Variants in RNF144A observed in about 807,000 individuals in gnomAD.
RNF144A encodes E3 ubiquitin-protein ligase RNF144A.
In RNF144A, 11 loss-of-function variants were observed where a neutral mutation model predicts 38.7. The ratio of observed to expected loss-of-function variants is 0.28; its 90% CI spans 0.18 to 0.47. The LOEUF (loss-of-function observed/expected upper bound fraction) is 0.47, where lower values mean the gene tolerates loss of function less well. RNF144A is among the 20% of genes least tolerant of loss of function. The pLI, the probability that RNF144A is intolerant of heterozygous loss-of-function variation, is 0.99. For missense variants in RNF144A, 316 were observed against 377.2 expected (o/e 0.84, Z 1.34); for synonymous variants, 149 against 143.9 (o/e 1.04, Z -0.25).
Position 6,956,012 on chromosome 2 carries a change from C to T in RNF144A, c.-12+14865C>T, listed in dbSNP as rs74533263. On this transcript the variant is annotated intron_variant, in intron 2 of 8. Transcript: ENST00000320892. ...TTAAATTCAGAGTGAGTACAAAATC[C>T]GTACAGCTCCTGACTCTGAAAGAGG... Among the ~76,000 whole-genome samples, 58 of 152,232 alleles carry T rather than the reference C, an allele frequency of 3.8e-4. No homozygotes were observed. The East Asian group carries it at 0.011, about 28-fold the overall frequency.
At chr2:6,974,524 A>G (rs1266490821) in intron 2 of RNF144A, among the ~76,000 whole-genome samples, 2 of 152,112 alleles carry the variant, frequency 1.3e-5, no homozygotes. Context: ...GTTAGCTATT[A>G]TTAGTGCATA....
At chr2:6,959,993 T>C (rs969022846) in intron 2 of RNF144A, among the ~76,000 whole-genome samples, 1 of 152,202 alleles carries the variant, frequency 6.6e-6, no homozygotes, top group Non-Finnish European at 1.5e-5. Flanking sequence ...ACAGTGCTGC[T>C]CCATGTTACT....
At chr2:6,987,514 A>G (rs1349643305) in intron 2 of RNF144A, among the ~76,000 whole-genome samples, 1 of 152,226 alleles carries the variant, frequency 6.6e-6, no homozygotes, top group Admixed American at 6.5e-5. Flanking sequence ...AAAAGAAAAC[A>G]GTTCCATGTA....
chr2:7,034,882 G>T (rs2103453974), intron 8 of RNF144A, among the ~76,000 whole-genome samples: 1 of 152,310 alleles, frequency 6.6e-6, no homozygotes, highest in East Asian at 1.9e-4. Context: ...CTGATGGGAA[G>T]TTAGGGGCAG....
intron 6 of RNF144A, among the ~76,000 whole-genome samples, chr2:7,023,439 C>T (rs959717621): frequency 1.3e-5 from 2 of 152,142 alleles, no homozygotes; most frequent in East Asian, 1.9e-4. Context: ...AAAGCTGCCC[C>T]GAGAAGGAGG....
intron 6 of RNF144A, among the ~76,000 whole-genome samples, chr2:7,054,638 A>C (rs776686663): frequency 7.2e-5 from 11 of 152,160 alleles, no homozygotes; most frequent in Non-Finnish European, 1.5e-4. Flanking sequence ...GATAGTATGA[A>C]GGGCTCAAGG....
intron 3 of RNF144A, among the ~76,000 whole-genome samples, chr2:7,012,575 T>C (rs1670885862): frequency 2.6e-5 from 4 of 152,186 alleles, no homozygotes; most frequent in Admixed American, 2.6e-4. Context: ...TGCCAACTGT[T>C]CTGCTCATTG....
rs1054805037 is a variant in RNF144A, at chr2:6,958,682, G to T, written c.-12+17535G>T. On this transcript the variant is annotated intron_variant, in intron 2 of 8. Coordinates refer to ENST00000320892, the MANE Select transcript of RNF144A (RefSeq NM_014746.6). This position sits in a 1 kb window ranked among gnomAD's most constrained non-coding sequence, Gnocchi z 4.5. The stretch of plus-strand genomic sequence containing the variant: ...TTCATGATTCTGGGGGACTGTCCAC[G>T]TGACCGTAATCTATTTCCCAGAGGG... Among the ~76,000 whole-genome samples, 1 of 152,156 alleles carries T rather than the reference G, an allele frequency of 6.6e-6. No homozygotes were observed. Among genetic ancestry groups the T allele is most frequent in the Non-Finnish European group, 1.5e-5 (1 of 68,032 alleles).
chr2:6,972,822 C>T lies in RNF144A; in HGVS notation c.-11-24094C>T, dbSNP rs966993775. Among the ~76,000 whole-genome samples the T allele has an allele frequency of 8.5e-5, 13 of 152,240 alleles. No homozygotes were observed. In the East Asian group the frequency reaches 1.9e-3, roughly 23 times the overall value. On this transcript the variant is annotated intron_variant, in intron 2 of 8. Transcript: ENST00000320892. Reference sequence around the variant, plus strand: ...CTTGCATCTGGCAAAGCAGAAGATCCGCAGGGAAGAGTTTAATTCTTTGCT... The same window carrying T: ...CTTGCATCTGGCAAAGCAGAAGATCTGCAGGGAAGAGTTTAATTCTTTGCT...
chr2:7,046,206 C>T (rs930096817), downstream of RNF144A, among the ~76,000 whole-genome samples: 3 of 152,206 alleles, frequency 2.0e-5, no homozygotes, highest in Non-Finnish European at 2.9e-5. Flanking sequence ...CAGCTCAGCT[C>T]AGCTCATCTC....
intron 3 of RNF144A, among the ~76,000 whole-genome samples, chr2:7,001,361 T>A (rs417883): frequency 0.56 from 84,008 of 150,892 alleles, 24,164 homozygotes; most frequent in Non-Finnish European, 0.64. Flanking sequence ...AAAATAAAAT[T>A]AAAATAAATA....
At chr2:6,997,129 A>G in intron 3 of RNF144A, 68 bp downstream of exon 3, 2 of 1,513,822 alleles carry the variant, frequency 1.3e-6, no homozygotes, top group Non-Finnish European at 1.8e-6. Context: ...TCATTTGCAG[A>G]GACACTAGGC....
intron 2 of RNF144A, among the ~76,000 whole-genome samples, chr2:6,946,748 C>T (rs766054952): frequency 2.3e-4 from 35 of 151,446 alleles, no homozygotes; most frequent in Non-Finnish European, 4.3e-4. Flanking sequence ...TTTTCAAGCT[C>T]GTTCTTGAGT....
intron 1 of RNF144A, among the ~76,000 whole-genome samples, chr2:6,934,345 T>C (rs1220506294): frequency 1.3e-5 from 2 of 152,238 alleles, no homozygotes; most frequent in African/African-American, 4.8e-5. Context: ...TGCTTTTCTA[T>C]TGCAGTGTTT....
At chr2:6,983,300 T>A (rs562846039) in intron 2 of RNF144A, among the ~76,000 whole-genome samples, 3 of 152,344 alleles carry the variant, frequency 2.0e-5, no homozygotes, top group Admixed American at 6.5e-5. Flanking sequence ...GTGTGTGCCC[T>A]GGGCCCTCTC....
At chr2:7,030,257 CTGTGTGTG>C (rs58324246) in intron 8 of RNF144A, 42 bp downstream of exon 8, 70,230 of 721,406 alleles carry the variant, frequency 0.097, 1,671 homozygotes, top group Middle Eastern at 0.18. Context: ...CAGAGAGAGA[CTGTGTGTG>C]TGTGTGTGTG....
chr2:7,059,588 A>G (rs954817282), intron 6 of RNF144A, among the ~76,000 whole-genome samples: 11 of 152,214 alleles, frequency 7.2e-5, no homozygotes, highest in African/African-American at 2.7e-4. Flanking sequence ...ACTTTTGATG[A>G]AGATGCAGAG....
At chr2:7,053,298 C>T (rs116033686) in intron 6 of RNF144A, among the ~76,000 whole-genome samples, 2,291 of 152,270 alleles carry the variant, frequency 0.015, 59 homozygotes, top group African/African-American at 0.052. Context: ...CCCAGGTGAC[C>T]AGGATGCACA....
intron 6 of RNF144A, among the ~76,000 whole-genome samples, chr2:7,052,510 G>C (rs1440828334): frequency 6.6e-6 from 1 of 152,178 alleles, no homozygotes; most frequent in Non-Finnish European, 1.5e-5. Context: ...GTGTTGGCTA[G>C]TGCCTCTTCT....
Sources: gnomAD v4.1 joint callset for allele counts (sites outside exome capture counted in the v4.1 genomes callset) on GRCh38, gnomAD v4.1.1 for gene constraint, Gnocchi (gnomAD v3.1) non-coding constraint, MANE v1.5 for transcripts, NCBI Gene and HGNC (gene_info 2026-07-23, HGNC 2026-07-21) for gene names.